Variants in ATP11A observed in about 807,000 individuals in gnomAD.
ATP11A encodes the protein ATPase phospholipid transporting 11A, also known as phospholipid-transporting ATPase IH.
ATP11A carries 81 observed loss-of-function variants against 154.4 expected under a neutral mutation model. The observed-to-expected ratio is 0.52, with a 90% CI of 0.44 to 0.63. The LOEUF (loss-of-function observed/expected upper bound fraction) is 0.63. ATP11A is among the 30% of genes least tolerant of loss of function. The pLI is 0.00. For missense variants in ATP11A, 1,316 were observed against 1,474.3 expected (o/e 0.89, Z 1.76); for synonymous variants, 623 against 585.9 (o/e 1.06, Z -0.91).
chr13:112,791,299 A>G (rs531525087), intron 2 of ATP11A, among the ~76,000 whole-genome samples: 6 of 152,356 alleles, frequency 3.9e-5, no homozygotes, highest in Non-Finnish European at 7.3e-5. Context: ...CCCCCTGCAC[A>G]GTGTGGCTCA....
intron 1 of ATP11A, among the ~76,000 whole-genome samples, chr13:112,760,955 A>C (rs1168822940): frequency 2.0e-5 from 3 of 152,196 alleles, no homozygotes; most frequent in African/African-American, 7.2e-5. Context: ...GAGATAACCG[A>C]GGTATGAAAA....
In ATP11A at chr13:112,858,414, G is replaced by A. The variant is rs936452650; in HGVS notation, c.2667+124G>A. 5.8e-6 allele frequency: 6 copies of A among 1,036,550 alleles called. No homozygotes were observed. The African/African-American group carries it at 9.6e-5, about 17-fold the overall frequency. 64.2% of individuals were successfully genotyped at this position (1,036,550 alleles called of 1,614,324 possible). On this transcript the variant is annotated intron_variant, in intron 22 of 29. Coordinates refer to ENST00000375645, the MANE Select transcript of ATP11A (RefSeq NM_015205.3). ...GATCTCCGAGGAGCAGCAACTGTCA[G>A]AAAGGAAGGGGTGAATCTGATTGCA...
At chr13:112,775,514 C>T (rs2077326332) in intron 1 of ATP11A, among the ~76,000 whole-genome samples, 1 of 152,216 alleles carries the variant, frequency 6.6e-6, no homozygotes, top group Non-Finnish European at 1.5e-5. Flanking sequence ...TTCTCCTCTC[C>T]TACTTACCGT....
chr13:112,832,780 G>C, intron 13 of ATP11A, 80 bp from the exon 14 acceptor site: 2 of 1,521,032 alleles, frequency 1.3e-6, no homozygotes, highest in South Asian at 2.5e-5. Flanking sequence ...CCCGCTTCTT[G>C]TTATCTCTCT....
At chr13:112,722,688 T>C (rs1207756161) in intron 1 of ATP11A, among the ~76,000 whole-genome samples, 2 of 152,192 alleles carry the variant, frequency 1.3e-5, no homozygotes, top group Non-Finnish European at 2.9e-5. Context: ...ACTTTTGGTT[T>C]ACATACGTAA....
intron 1 of ATP11A, among the ~76,000 whole-genome samples, chr13:112,775,718 C>G (rs963278007): frequency 8.5e-5 from 13 of 152,104 alleles, no homozygotes; most frequent in Non-Finnish European, 1.5e-4. Flanking sequence ...TAATGCCCCC[C>G]CCGCCTGTAA....
Position 112,881,893 on chromosome 13 carries a change from C to A in ATP11A, c.*27C>A, listed in dbSNP as rs368676585. On this transcript the variant is annotated 3_prime_UTR_variant, in exon 30 of 30. Coordinates refer to ENST00000375645, the MANE Select transcript of ATP11A (RefSeq NM_015205.3). ...CTCTGCAGAGCCCAGGCTACCAGAG[C>A]ACCTGTCCCTCGGCCGCCTGGTACA... 2.2e-5 allele frequency: 30 copies of A among 1,367,690 alleles called. No individual in the cohort carries two copies. In the South Asian group the frequency reaches 3.3e-4, roughly 15 times the overall value. 84.7% of individuals were successfully genotyped at this position (1,367,690 alleles called of 1,614,324 possible). A position where few individuals can be genotyped will look rare whatever the true frequency, so the allele number is the denominator to read the frequency against.
In ATP11A at chr13:112,838,323, G is replaced by A. The variant is rs576132661; in HGVS notation, c.1705+2072G>A. On this transcript the variant is annotated intron_variant, in intron 16 of 29. Transcript: ENST00000375645. This position sits in a 1 kb window ranked among gnomAD's most constrained non-coding sequence, Gnocchi z 7.3. ...TCACGTGGTTTTCCCCGTAGCAGTC[G>A]AATCTAGCTGTTGAGCCATGGCTGG... 3.3e-5 allele frequency among the ~76,000 whole-genome samples: 5 copies of A among 152,244 alleles called. No individual in the cohort carries two copies. Among genetic ancestry groups the A allele is most frequent in the South Asian group, 2.1e-4 (1 of 4,816 alleles).
intron 6 of ATP11A, among the ~76,000 whole-genome samples, chr13:112,817,744 A>G (rs1381324659): frequency 6.6e-6 from 1 of 152,278 alleles, no homozygotes; most frequent in African/African-American, 2.4e-5. Context: ...GAAGATGTTA[A>G]AACAGCTATT....
At position 112,881,888 on chromosome 13, in the gene ATP11A, C is replaced by T; in HGVS notation, c.*22C>T. ...TGCCTCTCTGCAGAGCCCAGGCTACCAGAGCACCTGTCCCTCGGCCGCCTG... is the reference window on the plus strand; with the variant it reads ...TGCCTCTCTGCAGAGCCCAGGCTACTAGAGCACCTGTCCCTCGGCCGCCTG... On this transcript the variant is annotated 3_prime_UTR_variant, in exon 30 of 30. Coordinates refer to ENST00000375645, the MANE Select transcript of ATP11A (RefSeq NM_015205.3). The T allele has an allele frequency of 7.3e-7, 1 of 1,367,766 alleles. No homozygotes were observed. The highest frequency in any genetic ancestry group is 1.5e-5 in the African/African-American group (1 of 67,854). 84.7% of individuals were successfully genotyped at this position (1,367,766 alleles called of 1,614,324 possible).
In ATP11A at chr13:112,781,801, AAAG is replaced by A. The variant is rs1398407750; in HGVS notation, c.40-3331_40-3329del. Among the ~76,000 whole-genome samples the A allele has an allele frequency of 3.9e-5, 6 of 152,106 alleles. No homozygotes were observed. The East Asian group carries it at 7.7e-4, about 20-fold the overall frequency. ...TCACTTTGCAAAAAAAAAAAAAAAA[AAAG>A]AATTTGAACATTTGTGGAGAATACA... On this transcript the variant is annotated intron_variant, in intron 1 of 29. Transcript: ENST00000375645.
chr13:112,860,838 A>G (rs1176746342), intron 24 of ATP11A: 1 of 155,186 alleles, frequency 6.4e-6, no homozygotes, highest in African/African-American at 2.4e-5. Flanking sequence ...TATTTTTTAA[A>G]AATAATATGG....
chr13:112,859,534 A>T lies in ATP11A; in HGVS notation c.2727+82A>T. ...TGGGTGGCTGCTGTGGGGAGGGGAG[A>T]CTTGGGAATGAGCAGCACTCCCCGG... On this transcript the variant is annotated intron_variant, in intron 23 of 29. Coordinates refer to ENST00000375645, the MANE Select transcript of ATP11A (RefSeq NM_015205.3). The surrounding 1 kb of genome is among the most constrained non-coding windows in gnomAD (Gnocchi z 4.3). 8.2e-7 allele frequency: 1 copy of T among 1,212,968 alleles called. No homozygotes were observed. The highest frequency in any genetic ancestry group is 1.2e-5 in the South Asian group (1 of 82,972). The allele number at this position is 1,212,968 out of a possible 1,614,324, so 75.1% of individuals were successfully genotyped here.
chr13:112,727,278 C>G (rs1450695679), intron 1 of ATP11A, among the ~76,000 whole-genome samples: 1 of 152,242 alleles, frequency 6.6e-6, no homozygotes, highest in Non-Finnish European at 1.5e-5. Flanking sequence ...AACTCCTGAC[C>G]TCAGGTGATC....
chr13:112,767,385 A>G (rs868617542), intron 1 of ATP11A, among the ~76,000 whole-genome samples: 1 of 13,150 alleles, frequency 7.6e-5, no homozygotes, highest in Non-Finnish European at 1.6e-4. Context: ...GGTGGGGAGG[A>G]TGTGGGGGCG....
chr13:112,848,184 AT>A (rs1450157421), intron 17 of ATP11A, among the ~76,000 whole-genome samples: 2 of 152,236 alleles, frequency 1.3e-5, no homozygotes, highest in Admixed American at 1.3e-4. Flanking sequence ...TAGTGTTGTC[AT>A]CTTAACAATC....
At chr13:112,700,454 C>T (rs748393652) in intron 1 of ATP11A, among the ~76,000 whole-genome samples, 4 of 152,234 alleles carry the variant, frequency 2.6e-5, no homozygotes, top group African/African-American at 4.8e-5. Flanking sequence ...CCTCTCGATC[C>T]TCACAGCAGC....
In ATP11A at chr13:112,859,850, G is replaced by A. The variant is rs548384953; in HGVS notation, c.2727+398G>A. Reference sequence around the variant, plus strand: ...TAACACATGCAACGTGCCCATAGGGGAAGAAGACAGTTCCCATCCGGGAGG... The same window carrying A: ...TAACACATGCAACGTGCCCATAGGGAAAGAAGACAGTTCCCATCCGGGAGG... On this transcript the variant is annotated intron_variant, in intron 23 of 29. Coordinates refer to ENST00000375645, the MANE Select transcript of ATP11A (RefSeq NM_015205.3). The surrounding 1 kb of genome is among the most constrained non-coding windows in gnomAD (Gnocchi z 4.3). Among the ~76,000 whole-genome samples, 79 of 152,218 alleles carry A rather than the reference G, an allele frequency of 5.2e-4. No individual in the cohort carries two copies. Among genetic ancestry groups the A allele is most frequent in the Non-Finnish European group, 1.2e-4 (8 of 68,038 alleles).
At position 112,862,484 on chromosome 13, in the gene ATP11A, A is replaced by G; in HGVS notation, c.2900A>G (p.Tyr967Cys). Residue 967 changes from tyrosine to cysteine, a missense_variant, in exon 25 of 30, where the codon TAC (tyrosine) becomes TGC (cysteine). Around this residue, in one of 5 missense-constraint regions of ATP11A, gnomAD observed 294 missense variants for 290.2 expected, o/e 1.01. Coordinates refer to ENST00000375645, the MANE Select transcript of ATP11A (RefSeq NM_015205.3). ...CTGCTGCGCTGGCGCGTGTTCATCT[A>G]CTGGACGCTCCTGGGACTGTTTGAC... is the stretch of plus-strand genomic sequence containing the variant. ...NALLRWRVFI[Y>C]WTLLGLFDAL... 3.1e-6 allele frequency: 5 copies of G among 1,614,156 alleles called. No individual in the cohort carries two copies. Among genetic ancestry groups the G allele is most frequent in the Non-Finnish European group, 4.2e-6 (5 of 1,180,010 alleles).
Sources: allele counts gnomAD v4.1 joint callset (sites outside exome capture counted in the v4.1 genomes callset), GRCh38; gene constraint gnomAD v4.1.1; regional missense constraint gnomAD v4.1.1; non-coding constraint Gnocchi (gnomAD v3.1); transcripts MANE v1.5; gene names NCBI Gene and HGNC (gene_info 2026-07-23, HGNC 2026-07-21).